IL18RAP: variants seen among roughly 807,000 people sequenced by gnomAD.
The protein encoded by IL18RAP is interleukin 18 receptor accessory protein, also known as interleukin-18 receptor accessory protein.
A neutral mutation model predicts 58.1 loss-of-function variants in IL18RAP; 37 were observed. The ratio of observed to expected loss-of-function variants is 0.64; its 90% CI spans 0.49 to 0.84. The LOEUF (loss-of-function observed/expected upper bound fraction) is 0.84, where lower values mean the gene tolerates loss of function less well. Among genes scored for constraint, IL18RAP ranks in the 40% least tolerant of loss-of-function variants. IL18RAP has a pLI of 0.00. For missense variants in IL18RAP, 667 were observed against 704.8 expected (o/e 0.95, Z 0.61); for synonymous variants, 268 against 257.5 (o/e 1.04, Z -0.39).
In IL18RAP at chr2:102,443,235, G is replaced by A. The variant is rs771041735; in HGVS notation, c.832G>A (p.Gly278Ser). 3 of 1,613,306 alleles carry A rather than the reference G, an allele frequency of 1.9e-6. No individual in the cohort carries two copies. The African/African-American group carries it at 4.0e-5, about 22-fold the overall frequency. Residue 278 changes from glycine to serine, a missense_variant, in exon 6 of 10, where the codon GGC (glycine) becomes AGC (serine). Physicochemically the swap from Gly to Ser is moderately conservative, Grantham distance 56. Transcript: ENST00000687160. ...PLTISCKARF[G>S]FERVFNPVIK... ...AACTATTAGCTGCAAAGCACGATTT[G>A]GCTTTGAAAGGGTCTTTAACCCTGT...
intron 3 of IL18RAP, among the ~76,000 whole-genome samples, chr2:102,426,989 A>G (rs750392199): frequency 6.6e-6 from 1 of 152,102 alleles, no homozygotes; most frequent in Non-Finnish European, 1.5e-5. Flanking sequence ...GGTTCTATAT[A>G]TGAGTGAGCT....
chr2:102,445,893 G>A (rs1683384324), intron 7 of IL18RAP, among the ~76,000 whole-genome samples: 1 of 152,088 alleles, frequency 6.6e-6, no homozygotes, highest in Non-Finnish European at 1.5e-5. Context: ...GATGCCCAGA[G>A]ATGAAATTGA....
chr2:102,435,934 TATTCTGCTC>T lies in IL18RAP; in HGVS notation c.580-1275_580-1267del, dbSNP rs567351111. Reference sequence around the variant, plus strand: ...ACAGTGGCGGATGTTCCTGTTTCCATATTCTGCTCATGACTGCTTCACATATGAGCAAAA... The same window carrying T: ...ACAGTGGCGGATGTTCCTGTTTCCATATGACTGCTTCACATATGAGCAAAA... On this transcript the variant is annotated intron_variant, in intron 3 of 9. Coordinates refer to ENST00000687160, the MANE Select transcript of IL18RAP (RefSeq NM_001393487.1). 7.8e-3 allele frequency among the ~76,000 whole-genome samples: 1,178 copies of T among 151,832 alleles called. 8 individuals carry two copies. Among genetic ancestry groups the T allele is most frequent in the Middle Eastern group, 0.037 (11 of 294 alleles).
chr2:102,439,953 G>A (rs937845119), intron 4 of IL18RAP: 1 of 152,282 alleles, frequency 6.6e-6, no homozygotes, highest in Admixed American at 6.5e-5. Context: ...AGGGGCTAGA[G>A]CCAAACCCGG....
At position 102,424,067 on chromosome 2, in the gene IL18RAP, T is replaced by C. The variant is rs989581110; in HGVS notation, c.327T>C (p.Cys109=). The change falls in exon 2 of 10, where the codon TGT becomes TGC. Residue 109 remains cysteine, a synonymous_variant. Transcript: ENST00000687160. ...KSYPHIIQDK[C]TLHFLTPGVN... is the part of the protein sequence containing the mutation. ...ATCCTCACATCATTCAGGACAAATG[T>C]ACCCTTCACTTTTTGACCCCAGGGG... 1.2e-6 allele frequency: 2 copies of C among 1,614,128 alleles called. No individual in the cohort carries two copies. Among genetic ancestry groups the C allele is most frequent in the Middle Eastern group, 3.3e-4 (2 of 6,060 alleles).
intron 3 of IL18RAP, among the ~76,000 whole-genome samples, chr2:102,429,245 C>G (rs1682174816): frequency 6.6e-6 from 1 of 151,902 alleles, no homozygotes; most frequent in Non-Finnish European, 1.5e-5. Flanking sequence ...ATTCAGTCTC[C>G]TTATTCATTA....
chr2:102,424,286 A>G lies in IL18RAP; in HGVS notation c.451A>G (p.Thr151Ala). 6.2e-7 allele frequency: 1 copy of G among 1,614,104 alleles called. No individual in the cohort carries two copies. The change falls in exon 3 of 10, where the codon ACA (threonine) becomes GCA (alanine). Residue 151 changes from threonine (T) to alanine (A), a missense_variant. By Grantham distance (58) the Thr-to-Ala change is moderately conservative. Transcript: ENST00000687160. ...GATGATTTTAGAAGTTAAGCCCCAG[A>G]CAAATGCATCCTGTGAGTATTCCGC... is the stretch of plus-strand genomic sequence containing the variant. Reference protein sequence around the residue: ...VKMILEVKPQTNASCEYSASH... With the variant: ...VKMILEVKPQANASCEYSASH...
chr2:102,432,829 G>C (rs1407967409), intron 3 of IL18RAP, among the ~76,000 whole-genome samples: 2 of 152,164 alleles, frequency 1.3e-5, no homozygotes, highest in Admixed American at 1.3e-4. Flanking sequence ...CAGAATTAAA[G>C]TGAGTTATTT....
chr2:102,420,410 A>G (rs1431725228), upstream of IL18RAP, among the ~76,000 whole-genome samples: 1 of 152,218 alleles, frequency 6.6e-6, no homozygotes, highest in African/African-American at 2.4e-5. Flanking sequence ...TCTTATAATC[A>G]AGATGATTTG....
At chr2:102,445,146 A>G (rs1683334133) in intron 6 of IL18RAP, 43 bp from the exon 7 acceptor site, 2 of 1,584,128 alleles carry the variant, frequency 1.3e-6, no homozygotes, top group Non-Finnish European at 1.7e-6. Context: ...ATGGGTGTCA[A>G]TGTATGTTAC....
chr2:102,420,358 G>A (rs539872707), upstream of IL18RAP, among the ~76,000 whole-genome samples: 8 of 152,272 alleles, frequency 5.3e-5, no homozygotes, highest in Middle Eastern at 3.4e-3. Flanking sequence ...AAGTCCTCAG[G>A]AAGCCCAAAA....
At chr2:102,423,454 A>C (rs1681707855) in intron 1 of IL18RAP, 107 bp downstream of exon 1, 1 of 977,080 alleles carries the variant, frequency 1.0e-6, no homozygotes, top group Non-Finnish European at 1.6e-6. Flanking sequence ...AAACCTTTCC[A>C]TCCTACTATT....
intron 3 of IL18RAP, among the ~76,000 whole-genome samples, chr2:102,431,772 A>C (rs922662268): frequency 4.5e-5 from 6 of 134,620 alleles, no homozygotes; most frequent in African/African-American, 1.9e-4. Flanking sequence ...TTTCTATTTA[A>C]AACTTTTTTT....
chr2:102,443,798 C>T (rs564953540), intron 6 of IL18RAP, among the ~76,000 whole-genome samples: 19 of 152,214 alleles, frequency 1.2e-4, no homozygotes, highest in African/African-American at 3.9e-4. Context: ...AACTTAACCC[C>T]GAAAAAGAGG....
intron 3 of IL18RAP, among the ~76,000 whole-genome samples, chr2:102,430,972 C>T (rs1009908937): frequency 2.6e-5 from 4 of 152,008 alleles, no homozygotes; most frequent in Non-Finnish European, 4.4e-5. Context: ...TATATACCAC[C>T]CTTACATTAT....
rs752339778 is a variant in IL18RAP, at chr2:102,423,884, A to G, written c.144A>G (p.Leu48=). 4 of 1,613,956 alleles carry G rather than the reference A, an allele frequency of 2.5e-6. No individual in the cohort carries two copies. Among genetic ancestry groups the G allele is most frequent in the Non-Finnish European group, 3.4e-6 (4 of 1,179,940 alleles). The change falls in exon 2 of 10, where the codon TTA becomes TTG. Residue 48 remains leucine (L), a synonymous_variant. Transcript: ENST00000687160. ...AGGAATTTGTCTTATTTTGTGATTT[A>G]CCAGAGCCACAGAAATCACATTTCT... ...SEEEFVLFCD[L]PEPQKSHFCH...
upstream of IL18RAP, among the ~76,000 whole-genome samples, chr2:102,422,876 CTT>C (rs543544629): frequency 7.1e-4 from 108 of 152,168 alleles, no homozygotes; most frequent in Admixed American, 2.0e-3. Context: ...AAACATAACT[CTT>C]TTCAAATTAC....
intron 3 of IL18RAP, among the ~76,000 whole-genome samples, chr2:102,426,594 G>C (rs1681960679): frequency 6.6e-6 from 1 of 152,024 alleles, no homozygotes; most frequent in African/African-American, 2.4e-5. Context: ...CCAATAAGTG[G>C]TGTTAGGAAA....
chr2:102,425,089 A>G (rs1357533819), intron 3 of IL18RAP, among the ~76,000 whole-genome samples: 5 of 152,182 alleles, frequency 3.3e-5, no homozygotes, highest in Non-Finnish European at 7.3e-5. Context: ...ATCTCCTCCA[A>G]AAGAGCCCCC....
Sources: gnomAD v4.1 joint callset for allele counts (sites outside exome capture counted in the v4.1 genomes callset) on GRCh38, gnomAD v4.1.1 for gene constraint, MANE v1.5 for transcripts, NCBI Gene and HGNC (gene_info 2026-07-23, HGNC 2026-07-21) for gene names.